SYT14: variants seen among roughly 807,000 people sequenced by gnomAD.
SYT14 encodes the protein synaptotagmin 14.
SYT14 carries 32 observed loss-of-function variants against 74.2 expected under a neutral mutation model. That is an observed-to-expected ratio of 0.43 (90% CI 0.33 to 0.58). The LOEUF is 0.58. SYT14 is among the 20% of genes least tolerant of loss of function. The pLI is 0.05. For synonymous variants in SYT14, 298 were observed against 337.7 expected (o/e 0.88, Z 1.29); for missense variants, 791 against 981.8 (o/e 0.81, Z 2.60).
In SYT14 at chr1:210,115,113, G is replaced by A. The variant is rs2082333427; in HGVS notation, c.2034+14652G>A. On this transcript the variant is annotated intron_variant, in intron 7 of 9. Coordinates refer to ENST00000637265, the Ensembl canonical transcript of SYT14. ...AAGAATTATCTAGATCTTGTAGGAT[G>A]GAAAAATCGAAAGTGCCATTTTCTG... Among the ~76,000 whole-genome samples, 5 of 151,440 alleles carry A rather than the reference G, an allele frequency of 3.3e-5. No individual in the cohort carries two copies. In the South Asian group the frequency reaches 1.0e-3, roughly 31 times the overall value.
At chr1:209,954,966 C>T (rs1179148945) in intron 2 of SYT14, among the ~76,000 whole-genome samples, 2 of 152,044 alleles carry the variant, frequency 1.3e-5, no homozygotes, top group African/African-American at 4.8e-5. Context: ...TCGGCCTCCC[C>T]AAATTCTGGG....
At chr1:209,999,912 C>T (rs1010030296) in intron 2 of SYT14, among the ~76,000 whole-genome samples, 1 of 152,078 alleles carries the variant, frequency 6.6e-6, no homozygotes, top group Admixed American at 6.6e-5. Flanking sequence ...TTGAAATGTT[C>T]CCAGCACATG....
intron 7 of SYT14, among the ~76,000 whole-genome samples, chr1:210,147,209 TTTAA>T (rs1453669071): frequency 2.0e-5 from 3 of 151,832 alleles, no homozygotes; most frequent in Non-Finnish European, 4.4e-5. Context: ...AAGAGGCTGA[TTTAA>T]ATAAGGGCCA....
intron 3 of SYT14, 87 bp downstream of exon 3, chr1:210,013,884 GT>G: frequency 7.5e-7 from 1 of 1,341,416 alleles, no homozygotes; most frequent in Non-Finnish European, 1.0e-6. Context: ...AAAAAGGTTG[GT>G]TGTGACATAC....
chr1:209,977,182 A>C (rs1307526680), intron 2 of SYT14, among the ~76,000 whole-genome samples: 1 of 152,136 alleles, frequency 6.6e-6, no homozygotes, highest in Non-Finnish European at 1.5e-5. Flanking sequence ...TGTGTCTTTT[A>C]ATTGGAGCAT....
At chr1:209,955,162 G>A (rs1380640808) in intron 2 of SYT14, among the ~76,000 whole-genome samples, 1 of 152,038 alleles carries the variant, frequency 6.6e-6, no homozygotes, top group African/African-American at 2.4e-5. Context: ...ATCTAGTTCT[G>A]TTGTTTTAAA....
intron 4 of SYT14, 146 bp from the exon 4 acceptor site, chr1:210,020,891 GTA>G: frequency 3.0e-6 from 2 of 662,668 alleles, no homozygotes; most frequent in Non-Finnish European, 5.5e-6. Flanking sequence ...GTGCATATAT[GTA>G]TATGTGTGTG....
At chr1:210,157,268 C>A (rs774233025) in intron 8 of SYT14, among the ~76,000 whole-genome samples, 1 of 150,740 alleles carries the variant, frequency 6.6e-6, no homozygotes, top group Non-Finnish European at 1.5e-5. Flanking sequence ...AAAGTGAGAC[C>A]CTGACTCTAC....
At chr1:210,121,673 A>G (rs1337435912) in intron 7 of SYT14, among the ~76,000 whole-genome samples, 1 of 152,002 alleles carries the variant, frequency 6.6e-6, no homozygotes, top group Non-Finnish European at 1.5e-5. Context: ...GGGCGCCTGT[A>G]GTCCCAGCTA....
chr1:210,033,886 C>T (rs919498942), intron 5 of SYT14, among the ~76,000 whole-genome samples: 12 of 151,678 alleles, frequency 7.9e-5, no homozygotes, highest in Non-Finnish European at 1.2e-4. Context: ...CACCCTTAAA[C>T]ATTTTTACTT....
chr1:210,023,016 C>G (rs1043555665), intron 5 of SYT14, among the ~76,000 whole-genome samples: 8 of 151,952 alleles, frequency 5.3e-5, no homozygotes, highest in Admixed American at 2.0e-4. Flanking sequence ...GTCCAAGTGC[C>G]CCAGAATCAC....
chr1:210,160,006 G>A (rs750777113), intron 9 of SYT14, among the ~76,000 whole-genome samples: 8 of 151,968 alleles, frequency 5.3e-5, no homozygotes, highest in Non-Finnish European at 8.8e-5. Context: ...CATTAAATTT[G>A]TGCCAAAAAA....
intron 7 of SYT14, among the ~76,000 whole-genome samples, chr1:210,134,346 A>G (rs892523190): frequency 1.3e-5 from 2 of 152,154 alleles, no homozygotes; most frequent in East Asian, 1.9e-4. Context: ...GGCTCAAGCA[A>G]TCCACCCGCT....
chr1:210,169,219 G>T (rs201612544), exon 10 of SYT14: 15 of 82,924 alleles, frequency 1.8e-4, no homozygotes, highest in African/African-American at 8.4e-4. Flanking sequence ...TATGTTTTTG[G>T]TGTTTTTTTT....
intron 5 of SYT14, among the ~76,000 whole-genome samples, chr1:210,026,605 T>C (rs1278412329): frequency 2.9e-5 from 4 of 138,264 alleles, no homozygotes; most frequent in Non-Finnish European, 4.7e-5. Context: ...GTATATAGCT[T>C]ACACACACAC....
chr1:210,103,433 C>A (rs1283578922), intron 7 of SYT14, among the ~76,000 whole-genome samples: 1 of 151,346 alleles, frequency 6.6e-6, no homozygotes, highest in Admixed American at 6.6e-5. Context: ...GCCTGTAGTC[C>A]CAGCTACTCG....
chr1:210,086,991 C>G (rs2081747337), intron 5 of SYT14, among the ~76,000 whole-genome samples: 1 of 152,140 alleles, frequency 6.6e-6, no homozygotes, highest in African/African-American at 2.4e-5. Flanking sequence ...CACACATGCC[C>G]CCTTCACTCT....
intron 2 of SYT14, among the ~76,000 whole-genome samples, chr1:209,968,804 G>T: frequency 6.6e-6 from 1 of 150,838 alleles, no homozygotes. Flanking sequence ...TGGGTATTTT[G>T]TGTGATGGTG....
chr1:210,050,239 A>C (rs2080966454), intron 5 of SYT14, among the ~76,000 whole-genome samples: 1 of 152,208 alleles, frequency 6.6e-6, no homozygotes, highest in African/African-American at 2.4e-5. Flanking sequence ...AAATTTCCAC[A>C]AATCTCTGGG....
Sources: allele counts gnomAD v4.1 joint callset (sites outside exome capture counted in the v4.1 genomes callset), GRCh38; gene constraint gnomAD v4.1.1; transcripts MANE v1.5; gene names NCBI Gene and HGNC (gene_info 2026-07-23, HGNC 2026-07-21).